The following CORO2B variants were observed in gnomAD, a reference collection of about 807,000 sequenced individuals.
CORO2B encodes the protein coronin-2B.
A neutral mutation model predicts 58.8 loss-of-function variants in CORO2B; 26 were observed. The ratio of observed to expected loss-of-function variants is 0.44; its 90% confidence interval spans 0.32 to 0.61. CORO2B has a LOEUF of 0.61. CORO2B is among the 20% of genes least tolerant of loss of function. CORO2B has a pLI of 0.04. For missense variants in CORO2B, 460 were observed against 645.1 expected, an observed-to-expected ratio of 0.71 and a Z score of 3.11; for synonymous variants, 242 against 253.8, an observed-to-expected ratio of 0.95 and a Z score of 0.44.
chr15:68,524,029 C>G, the CORO2B span, among the ~76,000 whole-genome samples: 2 of 151,844 alleles, frequency 1.3e-5, no homozygotes, highest in Non-Finnish European at 1.5e-5. Context: ...AGTTCAAGAC[C>G]AGGCTGGGCA....
chr15:68,657,708 G>C (rs1195763973), intron 2 of CORO2B, among the ~76,000 whole-genome samples: 2 of 152,122 alleles, frequency 1.3e-5, no homozygotes, highest in Admixed American at 6.5e-5. Flanking sequence ...GAAAATATCT[G>C]TGATACCTGT....
At chr15:68,578,054 C>A (rs2140549767), upstream of CORO2B, among the ~76,000 whole-genome samples, 1 of 152,300 alleles carries the variant, frequency 6.6e-6, no homozygotes, top group Admixed American at 6.5e-5. The surrounding 1 kb of genome is among the most constrained non-coding windows in gnomAD (Gnocchi z 4.2). Context: ...CTGCGGAAAC[C>A]GGTTCTGCTC....
At chr15:68,644,980 C>T (rs1334077713) in intron 1 of CORO2B, among the ~76,000 whole-genome samples, 180 bp from the exon 2 acceptor site, 1 of 152,190 alleles carries the variant, frequency 6.6e-6, no homozygotes, top group Admixed American at 6.5e-5. Context: ...ACGGGCTGGG[C>T]ATATGAGTGT....
At chr15:68,652,864 C>T (rs1210162044) in intron 2 of CORO2B, among the ~76,000 whole-genome samples, 3 of 152,228 alleles carry the variant, frequency 2.0e-5, no homozygotes, top group Admixed American at 6.5e-5. Flanking sequence ...ATGTGCCTGC[C>T]CACCTTACAG....
intron 1 of CORO2B, among the ~76,000 whole-genome samples, chr15:68,595,338 G>A (rs924266052): frequency 6.6e-6 from 1 of 152,216 alleles, no homozygotes; most frequent in Admixed American, 6.5e-5. Context: ...CAGGAAGGGG[G>A]ACATGGATGT....
chr15:68,681,069 C>T (rs892001944), intron 2 of CORO2B, among the ~76,000 whole-genome samples: 2 of 152,092 alleles, frequency 1.3e-5, no homozygotes, highest in Non-Finnish European at 2.9e-5. Flanking sequence ...AAAAATTAGC[C>T]GGGCATGATG....
Position 68,704,175 on chromosome 15 carries a change from G to A in CORO2B, c.334-6557G>A, listed in dbSNP as rs145310801. Among the ~76,000 whole-genome samples, 470 of 151,862 alleles carry A rather than the reference G, an allele frequency of 3.1e-3. 3 individuals carry two copies. The highest frequency in any genetic ancestry group is 0.011 in the African/African-American group (453 of 41,416). The stretch of plus-strand genomic sequence containing the variant: ...GGATGGCTTGATCCTGGGAGGTGGA[G>A]GCTGCAGTGAGCCAAGATTGCACCA... On this transcript the variant is annotated intron_variant, in intron 3 of 11. Transcript: ENST00000261861.
chr15:68,588,592 A>G (rs1193312666), intron 1 of CORO2B, among the ~76,000 whole-genome samples: 1 of 152,098 alleles, frequency 6.6e-6, no homozygotes, highest in Admixed American at 6.6e-5. Flanking sequence ...CTGTCAAATG[A>G]CCTTGATCTT....
intron 1 of CORO2B, among the ~76,000 whole-genome samples, chr15:68,617,085 C>T (rs1334420325): frequency 1.3e-5 from 2 of 152,282 alleles, no homozygotes; most frequent in Non-Finnish European, 2.9e-5. Flanking sequence ...AAAAAATGGT[C>T]CAGGTGTTGT....
upstream of CORO2B, among the ~76,000 whole-genome samples, chr15:68,574,351 G>A (rs544034286): frequency 2.0e-5 from 3 of 152,110 alleles, no homozygotes; most frequent in African/African-American, 4.8e-5. Flanking sequence ...TCCCTCTTAG[G>A]GGCTCTACAG....
At chr15:68,692,685 G>T (rs1373626484) in intron 2 of CORO2B, among the ~76,000 whole-genome samples, 3 of 149,392 alleles carry the variant, frequency 2.0e-5, no homozygotes, top group African/African-American at 7.4e-5. Context: ...CCAGACTGGA[G>T]TGCAGTGGTG....
At chr15:68,653,857 C>T in intron 2 of CORO2B, among the ~76,000 whole-genome samples, 1 of 17,168 alleles carries the variant, frequency 5.8e-5, no homozygotes, top group East Asian at 6.3e-3. Context: ...TTCTCTCCCC[C>T]AGGAAAAAAA....
intron 2 of CORO2B, among the ~76,000 whole-genome samples, chr15:68,682,108 T>C (rs1902811236): frequency 6.6e-6 from 1 of 152,080 alleles, no homozygotes; most frequent in Non-Finnish European, 1.5e-5. Context: ...TCAGCTTTCA[T>C]GGTAGGGCAC....
At chr15:68,521,968 C>T in the CORO2B span, among the ~76,000 whole-genome samples, 4 of 152,022 alleles carry the variant, frequency 2.6e-5, no homozygotes, top group East Asian at 1.9e-4. Flanking sequence ...CCACCACACC[C>T]GGCTAATTTG....
chr15:68,613,056 G>T (rs1368940709), intron 1 of CORO2B, among the ~76,000 whole-genome samples: 1 of 152,150 alleles, frequency 6.6e-6, no homozygotes, highest in Non-Finnish European at 1.5e-5. Flanking sequence ...ACTCCTGATG[G>T]CCCTTCAGAG....
intron 2 of CORO2B, among the ~76,000 whole-genome samples, chr15:68,693,059 C>G (rs1892421944): frequency 6.6e-6 from 1 of 152,194 alleles, no homozygotes; most frequent in Non-Finnish European, 1.5e-5. Context: ...AATCCTTTTT[C>G]TCTATCCTCT....
the CORO2B span, among the ~76,000 whole-genome samples, chr15:68,540,275 A>AC: frequency 6.6e-6 from 1 of 152,244 alleles, no homozygotes; most frequent in Non-Finnish European, 1.5e-5. Context: ...TATTTAAAAA[A>AC]CAACATTACT....
chr15:68,668,554 C>T (rs1164321254), intron 2 of CORO2B, among the ~76,000 whole-genome samples: 3 of 152,148 alleles, frequency 2.0e-5, no homozygotes, highest in Admixed American at 1.3e-4. Context: ...AAAGAGCATG[C>T]GGAAGAGTAG....
intron 2 of CORO2B, among the ~76,000 whole-genome samples, chr15:68,650,689 A>T (rs1038314143): frequency 2.0e-5 from 3 of 152,218 alleles, no homozygotes; most frequent in South Asian, 2.1e-4. Flanking sequence ...GTTACCTCCC[A>T]AGTATTGGGA....
Sources: allele counts gnomAD v4.1 joint callset (sites outside exome capture counted in the v4.1 genomes callset), GRCh38; gene constraint gnomAD v4.1.1; non-coding constraint Gnocchi (gnomAD v3.1); transcripts MANE v1.5; gene names NCBI Gene and HGNC (gene_info 2026-07-23, HGNC 2026-07-21).